TCF4: variants seen among roughly 807,000 people sequenced by gnomAD.
TCF4 encodes the protein SL3-3 enhancer factor 2.
A neutral mutation model predicts 82.1 loss-of-function variants in TCF4; 3 were observed. That is an observed-to-expected ratio of 0.04 (90% CI 0.02 to 0.09). The LOEUF (loss-of-function observed/expected upper bound fraction) is 0.09. Among genes scored for constraint, TCF4 ranks in the 10% least tolerant of loss-of-function variants. The pLI is 1.00. For synonymous variants in TCF4, 276 were observed against 309.6 expected (o/e 0.89, Z 1.14); for missense variants, 518 against 852.7 (o/e 0.61, Z 4.89).
intron 2 of TCF4, chr18:55,585,825 C>T: frequency 2.6e-6 from 3 of 1,133,038 alleles, no homozygotes; most frequent in Non-Finnish European, 3.3e-6. Flanking sequence ...ACTAAATTCT[C>T]ATTTCGTCTC....
chr18:55,422,254 C>T, intron 5 of TCF4: 4 of 984,856 alleles, frequency 4.1e-6, no homozygotes, highest in Non-Finnish European at 4.8e-6. Context: ...GATGAAGAGT[C>T]GCCAAAAAGC....
At chr18:55,499,630 T>C (rs1261259444) in intron 3 of TCF4, among the ~76,000 whole-genome samples, 1 of 152,198 alleles carries the variant, frequency 6.6e-6, no homozygotes, top group Non-Finnish European at 1.5e-5. Context: ...TCAGTATTTA[T>C]TCTCCAAGCT....
At chr18:55,430,975 A>C (rs1224702704) in intron 5 of TCF4, among the ~76,000 whole-genome samples, 1 of 152,230 alleles carries the variant, frequency 6.6e-6, no homozygotes, top group Non-Finnish European at 1.5e-5. Flanking sequence ...ATCCATTTGC[A>C]CATTTTGAAG....
chr18:55,461,180 G>A (rs1376389658), intron 4 of TCF4, 65 bp from the exon 5 acceptor site: 40 of 1,348,498 alleles, frequency 3.0e-5, no homozygotes, highest in Non-Finnish European at 4.1e-5. Flanking sequence ...AACAAACATA[G>A]CTCCACTACC....
chr18:55,464,263 AC>A, intron 3 of TCF4, 126 bp from the exon 4 acceptor site: 1 of 804,008 alleles, frequency 1.2e-6, no homozygotes, highest in Non-Finnish European at 2.2e-6. Flanking sequence ...GCACCGGGCT[AC>A]CATGATGATA....
intron 3 of TCF4, among the ~76,000 whole-genome samples, chr18:55,552,919 GAGCACAAAACTTAC>G (rs2097272673): frequency 1.3e-5 from 2 of 152,210 alleles, no homozygotes; most frequent in South Asian, 4.1e-4. Context: ...ACCTAAAGTA[GAGCACAAAACTTAC>G]AGGGTTTTCT....
At chr18:55,322,119 T>G (rs2075714400) in intron 8 of TCF4, 2 of 1,046,152 alleles carry the variant, frequency 1.9e-6, no homozygotes, top group Non-Finnish European at 2.3e-6. Flanking sequence ...TTTTTTTTTT[T>G]TTTGTTTTGT....
chr18:55,360,870 G>A (rs1412299599), intron 6 of TCF4, among the ~76,000 whole-genome samples: 2 of 151,526 alleles, frequency 1.3e-5, no homozygotes, highest in South Asian at 2.1e-4. Flanking sequence ...TGGGCTACAG[G>A]TGCATGCCAC....
chr18:55,469,513 C>A (rs749543178), intron 3 of TCF4: 1 of 151,998 alleles, frequency 6.6e-6, no homozygotes, highest in Non-Finnish European at 1.5e-5. Context: ...CAAAACACAA[C>A]AGTTTGGGCA....
At chr18:55,616,483 A>G (rs2097712199) in intron 2 of TCF4, among the ~76,000 whole-genome samples, 1 of 152,146 alleles carries the variant, frequency 6.6e-6, no homozygotes, top group Non-Finnish European at 1.5e-5. Context: ...ATATACCAGA[A>G]GTGGGATTAC....
intron 4 of TCF4, among the ~76,000 whole-genome samples, chr18:55,461,561 A>G (rs2095868067): frequency 6.6e-6 from 1 of 152,178 alleles, no homozygotes; most frequent in Non-Finnish European, 1.5e-5. Flanking sequence ...AAACAATAAC[A>G]TTTGGTGTTA....
chr18:55,340,583 C>CAA (rs11428164), intron 8 of TCF4, among the ~76,000 whole-genome samples: 3,355 of 65,262 alleles, frequency 0.051, 125 homozygotes, highest in Non-Finnish European at 0.069. Flanking sequence ...GACCCCATCT[C>CAA]AAAAAAAAAA....
At chr18:55,363,674 T>C (rs1418198438) in intron 6 of TCF4, among the ~76,000 whole-genome samples, 2 of 152,048 alleles carry the variant, frequency 1.3e-5, no homozygotes, top group African/African-American at 4.8e-5. Flanking sequence ...GGCGTGGTAG[T>C]GCACACCTGT....
chr18:55,311,595 A>G (rs2072474858), intron 8 of TCF4, among the ~76,000 whole-genome samples: 1 of 152,198 alleles, frequency 6.6e-6, no homozygotes, highest in Non-Finnish European at 1.5e-5. Context: ...TCTTCTTTCA[A>G]CTAAACAAGG....
chr18:55,614,035 A>G (rs1193401183), intron 2 of TCF4, among the ~76,000 whole-genome samples: 3 of 152,124 alleles, frequency 2.0e-5, no homozygotes, highest in African/African-American at 7.2e-5. Flanking sequence ...TTAGCCTCCC[A>G]ATCACATACC....
Position 55,465,415 on chromosome 18 carries a change from CTCTT to C in TCF4, c.146-1282_146-1279del, listed in dbSNP as rs1278138109. On this transcript the variant is annotated intron_variant, in intron 3 of 19. Transcript: ENST00000354452. ...TAAGTTATTACCATTAAATTAACTT[CTCTT>C]TTTTTTTTTAATGACAAATATTATT... 5.9e-5 allele frequency among the ~76,000 whole-genome samples: 9 copies of C among 151,402 alleles called. No individual in the cohort carries two copies. In the South Asian group the frequency reaches 1.7e-3, roughly 28 times the overall value.
chr18:55,443,503 G>A (rs951529505), intron 5 of TCF4, among the ~76,000 whole-genome samples: 5 of 152,168 alleles, frequency 3.3e-5, no homozygotes, highest in Non-Finnish European at 7.3e-5. Flanking sequence ...TGTAGGTAAA[G>A]AGACATATTT....
chr18:55,552,781 T>C (rs1055379751), intron 3 of TCF4, among the ~76,000 whole-genome samples: 6 of 152,242 alleles, frequency 3.9e-5, no homozygotes, highest in Admixed American at 2.6e-4. Context: ...GTTTCATCCA[T>C]TGTTACTCAT....
At position 55,600,051 on chromosome 18, in the gene TCF4, GT is replaced by G. The variant is rs537676544; in HGVS notation, c.287-12916del. 3.4e-4 allele frequency among the ~76,000 whole-genome samples: 52 copies of G among 150,996 alleles called. 1 individual carries two copies. Among genetic ancestry groups the G allele is most frequent in the African/African-American group, 9.2e-4 (38 of 41,236 alleles). Reference sequence around the variant, plus strand: ...ATGTGGTTGCCTGTAGGAGAAGGCTGTTTTTTTTTATTGCTGTGTAATACTC... The same window carrying G: ...ATGTGGTTGCCTGTAGGAGAAGGCTGTTTTTTTTATTGCTGTGTAATACTC... On this transcript the variant is annotated intron_variant, in intron 2 of 20. Coordinates refer to the TCF4 transcript ENST00000398339.
Sources: allele counts gnomAD v4.1 joint callset (sites outside exome capture counted in the v4.1 genomes callset), GRCh38; gene constraint gnomAD v4.1.1; transcripts MANE v1.5; gene names NCBI Gene and HGNC (gene_info 2026-07-23, HGNC 2026-07-21).